The following KCNN3 variants were observed in gnomAD, a reference collection of about 807,000 sequenced individuals.
The protein encoded by KCNN3 is small conductance calcium-activated potassium channel protein 3.
A neutral mutation model predicts 62.9 loss-of-function variants in KCNN3; 16 were observed. The ratio of observed to expected loss-of-function variants is 0.25; its 90% CI spans 0.17 to 0.39. KCNN3 has a LOEUF of 0.39. Ranked by LOEUF, KCNN3 falls within the 10% of genes least tolerant of loss-of-function variation. The pLI is 1.00. For missense variants in KCNN3, 599 were observed against 949.4 expected, an observed-to-expected ratio of 0.63 and a Z score of 4.85; for synonymous variants, 370 against 389.2, an observed-to-expected ratio of 0.95 and a Z score of 0.58.
chr1:154,861,502 T>G (rs1218583), intron 1 of KCNN3, among the ~76,000 whole-genome samples: 139,640 of 152,044 alleles, frequency 0.92, 64,287 homozygotes, highest in East Asian at 1. Context: ...GCTGCCCTCA[T>G]GCCTGCTCTA....
intron 1 of KCNN3, 36 bp from the exon 2 acceptor site, chr1:154,822,220 C>A: frequency 6.9e-7 from 1 of 1,458,426 alleles, no homozygotes; most frequent in Non-Finnish European, 9.6e-7. Context: ...TTAGGGAGTG[C>A]GGGGAAAGGA....
In KCNN3 at chr1:154,705,365, G is replaced by T. The variant is rs1001234037; in HGVS notation, c.*2611C>A. On this transcript the variant is annotated 3_prime_UTR_variant, in exon 8 of 8. Coordinates refer to ENST00000271915, the MANE Select transcript of KCNN3 (RefSeq NM_002249.6). ...AATAGCCTTCCATTTGCTATTACAG[G>T]ATCAATGTGCAGGTTTGATCACTTT... is the stretch of plus-strand genomic sequence containing the variant. 1 of 152,188 alleles carries T rather than the reference G, an allele frequency of 6.6e-6. No individual in the cohort carries two copies. The highest frequency in any genetic ancestry group is 1.5e-5 in the Non-Finnish European group (1 of 68,032). The allele number at this position is 152,188 out of a possible 1,614,324, so 9.4% of individuals were successfully genotyped here.
Position 154,753,650 on chromosome 1 carries a change from T to C in KCNN3, c.1448+18325A>G, listed in dbSNP as rs962505771. On this transcript the variant is annotated intron_variant, in intron 3 of 7. Coordinates refer to ENST00000271915, the MANE Select transcript of KCNN3 (RefSeq NM_002249.6). ...TCATGAGCCTCCTTGAGCCACCACA[T>C]CCTCATCCACGAAATAGGGACCGTG... Among the ~76,000 whole-genome samples, 2 of 152,208 alleles carry C rather than the reference T, an allele frequency of 1.3e-5. 1 individual carries two copies. Among genetic ancestry groups the C allele is most frequent in the Admixed American group, 1.3e-4 (2 of 15,284 alleles).
At position 154,699,648 on chromosome 1, in the gene KCNN3, G is replaced by T. The variant is rs1264284174; in HGVS notation, c.*8328C>A. 6.6e-6 allele frequency: 1 copy of T among 152,176 alleles called. No individual in the cohort carries two copies. Among genetic ancestry groups the T allele is most frequent in the African/African-American group, 2.4e-5 (1 of 41,442 alleles). 9.4% of individuals were successfully genotyped at this position (152,176 alleles called of 1,614,324 possible). On this transcript the variant is annotated 3_prime_UTR_variant, in exon 8 of 8. Transcript: ENST00000271915. ...TTTCTTGTTGGTGCAATGAGTAAGA[G>T]AATTGGCTTTCAAGGAGATTAGCAA...
At chr1:154,718,120 C>A (rs1700268162) in intron 5 of KCNN3, among the ~76,000 whole-genome samples, 2 of 152,294 alleles carry the variant, frequency 1.3e-5, no homozygotes, top group Admixed American at 6.5e-5. Context: ...AAGATGAAAG[C>A]AGCAAGCCAG....
intron 3 of KCNN3, among the ~76,000 whole-genome samples, chr1:154,733,553 C>CA (rs920854492): frequency 4.6e-4 from 69 of 151,296 alleles, no homozygotes; most frequent in Non-Finnish European, 9.2e-4. Flanking sequence ...GGGAAAATGT[C>CA]AAAAAAAAAT....
intron 3 of KCNN3, among the ~76,000 whole-genome samples, chr1:154,740,846 AT>A (rs1315019412): frequency 2.0e-5 from 3 of 151,792 alleles, no homozygotes; most frequent in Admixed American, 1.3e-4. Flanking sequence ...GTTTTTTCTC[AT>A]TGATTCTAAA....
At chr1:154,864,608 C>G (rs1323186387) in intron 1 of KCNN3, among the ~76,000 whole-genome samples, 1 of 152,214 alleles carries the variant, frequency 6.6e-6, no homozygotes, top group Non-Finnish European at 1.5e-5. Context: ...GAAGCGGCCT[C>G]CCATGAGGTT....
At chr1:154,835,484 C>T (rs1200694711) in intron 1 of KCNN3, among the ~76,000 whole-genome samples, 1 of 152,196 alleles carries the variant, frequency 6.6e-6, no homozygotes. Flanking sequence ...GGCTCATGGG[C>T]AGACATCATT....
intron 2 of KCNN3, among the ~76,000 whole-genome samples, chr1:154,820,284 C>T (rs1314425591): frequency 6.6e-6 from 1 of 152,198 alleles, no homozygotes; most frequent in South Asian, 2.1e-4. Flanking sequence ...GAGGGAGGGA[C>T]ACCTGGCTCT....
chr1:154,728,771 G>A (rs1347709747), intron 4 of KCNN3, among the ~76,000 whole-genome samples: 3 of 152,114 alleles, frequency 2.0e-5, no homozygotes, highest in Non-Finnish European at 4.4e-5. Context: ...GTCAAGGGGG[G>A]AAAGAGAGAA....
In KCNN3 at chr1:154,698,110, T is replaced by C. The variant is rs1699775272; in HGVS notation, c.*9866A>G. Reference sequence around the variant, plus strand: ...AGCAGTAGAAATGCAGCTAGATATATTTTTGAAAACATTTTTTAGGTCTAC... The same window carrying C: ...AGCAGTAGAAATGCAGCTAGATATACTTTTGAAAACATTTTTTAGGTCTAC... On this transcript the variant is annotated 3_prime_UTR_variant, in exon 8 of 8. Transcript: ENST00000271915. The C allele has an allele frequency of 6.6e-6, 1 of 152,212 alleles. No individual in the cohort carries two copies. The highest frequency in any genetic ancestry group is 1.5e-5 in the Non-Finnish European group (1 of 68,038). The allele number at this position is 152,212 out of a possible 1,614,324, so 9.4% of individuals were successfully genotyped here.
intron 7 of KCNN3, among the ~76,000 whole-genome samples, chr1:154,710,280 G>A (rs1480364612): frequency 2.6e-5 from 4 of 152,296 alleles, no homozygotes; most frequent in East Asian, 1.9e-4. Flanking sequence ...AGAACACAGC[G>A]TTATTGTCTC....
intron 3 of KCNN3, among the ~76,000 whole-genome samples, chr1:154,743,721 A>G (rs925701672): frequency 5.9e-5 from 9 of 152,204 alleles, no homozygotes; most frequent in Non-Finnish European, 1.2e-4. Flanking sequence ...TGAGTACTCT[A>G]CAAGGTCCTC....
At chr1:154,778,340 C>A (rs7532286) in intron 2 of KCNN3, among the ~76,000 whole-genome samples, 77,901 of 152,034 alleles carry the variant, frequency 0.51, 20,776 homozygotes, top group African/African-American at 0.66. Flanking sequence ...GTATATAAAT[C>A]TGAATCAAAC....
chr1:154,732,993 G>A lies in KCNN3; in HGVS notation c.1590+10C>T, dbSNP rs190801910. The A allele has an allele frequency of 7.8e-5, 126 of 1,613,896 alleles. 1 individual carries two copies. The highest frequency in any genetic ancestry group is 1.3e-4 in the Admixed American group (8 of 60,018). On this transcript the variant is annotated intron_variant, in intron 4 of 7. Coordinates refer to ENST00000271915, the MANE Select transcript of KCNN3 (RefSeq NM_002249.6). ...TTAAGGGTAGGGAATGGGGAGAGGC[G>A]GGTACTCACCATGATGCCAGTGAGG...
At chr1:154,849,163 C>A (rs940123405) in intron 1 of KCNN3, among the ~76,000 whole-genome samples, 1 of 152,180 alleles carries the variant, frequency 6.6e-6, no homozygotes. Context: ...CTGTTTCTCC[C>A]CCTGCCAGGA....
chr1:154,745,907 G>A (rs60299296), intron 3 of KCNN3, among the ~76,000 whole-genome samples: 10,360 of 152,242 alleles, frequency 0.068, 465 homozygotes, highest in African/African-American at 0.12. Context: ...TGGAGATGGC[G>A]TGGCAGAGAT....
chr1:154,730,835 C>T (rs1700576111), intron 4 of KCNN3, among the ~76,000 whole-genome samples: 1 of 152,200 alleles, frequency 6.6e-6, no homozygotes, highest in African/African-American at 2.4e-5. Context: ...GAACAGAACG[C>T]TCTCTCTGGG....
Sources: allele counts gnomAD v4.1 joint callset (sites outside exome capture counted in the v4.1 genomes callset), GRCh38; gene constraint gnomAD v4.1.1; transcripts MANE v1.5; gene names NCBI Gene and HGNC (gene_info 2026-07-23, HGNC 2026-07-21).